CNTN6: variants seen among roughly 807,000 people sequenced by gnomAD.
CNTN6 encodes the protein contactin 6.
Under a neutral mutation model 122.8 loss-of-function variants are expected in CNTN6, and 137 were observed. The ratio of observed to expected loss-of-function variants is 1.12; its 90% CI spans 0.97 to 1.29. CNTN6 has a LOEUF of 1.29. CNTN6 is among the 50% of genes most tolerant of loss of function. The probability of loss-of-function intolerance (pLI) is 0.00; values close to 1 mark genes in which losing one functional copy is unlikely to be tolerated. For synonymous variants in CNTN6, 570 were observed against 426.0 expected, an observed-to-expected ratio of 1.34 and a Z score of -4.16; for missense variants, 1,634 against 1,223.4, an observed-to-expected ratio of 1.34 and a Z score of -5.01.
chr3:1,386,978 A>G (rs1444722360), intron 20 of CNTN6, among the ~76,000 whole-genome samples: 3 of 152,226 alleles, frequency 2.0e-5, no homozygotes, highest in Non-Finnish European at 2.9e-5. Flanking sequence ...CCTTGATTAA[A>G]TAGATTATCC....
At chr3:1,299,365 A>G (rs987872995) in intron 7 of CNTN6, among the ~76,000 whole-genome samples, 1 of 152,192 alleles carries the variant, frequency 6.6e-6, no homozygotes, top group African/African-American at 2.4e-5. Context: ...CCAATGAAAG[A>G]GAGTATCTGA....
chr3:1,287,531 A>C (rs984390899), intron 5 of CNTN6, among the ~76,000 whole-genome samples: 4 of 152,112 alleles, frequency 2.6e-5, no homozygotes, highest in Non-Finnish European at 5.9e-5. Context: ...TCTCCCTAAG[A>C]ATTGGAGGTT....
intron 1 of CNTN6, among the ~76,000 whole-genome samples, chr3:1,125,888 AC>A (rs2092142287): frequency 6.6e-6 from 1 of 151,878 alleles, no homozygotes; most frequent in Non-Finnish European, 1.5e-5. Context: ...ATGATGGTGA[AC>A]TAGATAATGT....
chr3:1,238,023 C>A (rs1162376345), intron 4 of CNTN6, among the ~76,000 whole-genome samples: 6 of 149,008 alleles, frequency 4.0e-5, no homozygotes, highest in Non-Finnish European at 7.4e-5. Context: ...GAAAACAAAA[C>A]AAAAAAAAAC....
chr3:1,205,072 A>G (rs1409257879), intron 2 of CNTN6, among the ~76,000 whole-genome samples: 4 of 152,150 alleles, frequency 2.6e-5, no homozygotes, highest in African/African-American at 9.7e-5. Context: ...GTAACTATGG[A>G]GGAATAGTAG....
chr3:1,335,848 G>A (rs1702974059), intron 11 of CNTN6, among the ~76,000 whole-genome samples: 1 of 152,100 alleles, frequency 6.6e-6, no homozygotes, highest in South Asian at 2.1e-4. Flanking sequence ...GGGCAACATA[G>A]TGAGACCCTG....
At chr3:1,281,983 TACACACACAC>T (rs3836238) in intron 5 of CNTN6, among the ~76,000 whole-genome samples, 6 of 149,906 alleles carry the variant, frequency 4.0e-5, no homozygotes, top group South Asian at 2.1e-4. Flanking sequence ...TATATAGGTA[TACACACACAC>T]ACACACACAC....
intron 4 of CNTN6, among the ~76,000 whole-genome samples, chr3:1,232,733 T>A (rs986907840): frequency 6.6e-6 from 1 of 151,978 alleles, no homozygotes; most frequent in African/African-American, 2.4e-5. Context: ...TCAAGTGAAG[T>A]GAGAAAGGTG....
intron 5 of CNTN6, among the ~76,000 whole-genome samples, chr3:1,291,235 A>G (rs1339568502): frequency 6.6e-6 from 1 of 152,160 alleles, no homozygotes; most frequent in Non-Finnish European, 1.5e-5. Flanking sequence ...TTCTGAATTT[A>G]TTATTAATCT....
intron 12 of CNTN6, among the ~76,000 whole-genome samples, chr3:1,368,135 T>G (rs149809088): frequency 1.3e-5 from 2 of 152,300 alleles, no homozygotes; most frequent in East Asian, 3.9e-4. Context: ...TATATGATGC[T>G]TTGGGGAAAC....
chr3:1,401,176 G>A (rs960596860), intron 20 of CNTN6: 1 of 378,346 alleles, frequency 2.6e-6, no homozygotes, highest in Non-Finnish European at 4.8e-6. Flanking sequence ...CAACAGCAAT[G>A]ATTAATAAAT....
At chr3:1,376,142 AC>A (rs1467517421) in intron 16 of CNTN6, among the ~76,000 whole-genome samples, 1 of 152,122 alleles carries the variant, frequency 6.6e-6, no homozygotes, top group African/African-American at 2.4e-5. Flanking sequence ...GATTTAGGAT[AC>A]TTTTGTCATT....
chr3:1,281,367 A>G (rs542097329), intron 5 of CNTN6, among the ~76,000 whole-genome samples: 5 of 152,180 alleles, frequency 3.3e-5, no homozygotes, highest in Non-Finnish European at 7.3e-5. Context: ...CGGCGTGGCC[A>G]AATTATTTTT....
At chr3:1,371,581 A>C (rs1709020846) in intron 12 of CNTN6, among the ~76,000 whole-genome samples, 1 of 151,978 alleles carries the variant, frequency 6.6e-6, no homozygotes, top group South Asian at 2.1e-4. Flanking sequence ...CAAATATAGG[A>C]CTCTCAAGTA....
chr3:1,373,463 T>G, intron 14 of CNTN6, 141 bp from the exon 15 acceptor site: 1 of 698,392 alleles, frequency 1.4e-6, no homozygotes, highest in Non-Finnish European at 2.3e-6. Flanking sequence ...TAATAGAACT[T>G]TATCGCTAAT....
intron 7 of CNTN6, among the ~76,000 whole-genome samples, chr3:1,310,017 G>A (rs1345290265): frequency 1.3e-5 from 2 of 152,006 alleles, no homozygotes; most frequent in African/African-American, 2.4e-5. Context: ...ACTTATTAGT[G>A]CTGGAGTTAT....
chr3:1,150,357 G>T (rs28384089), intron 2 of CNTN6, among the ~76,000 whole-genome samples: 59,755 of 151,934 alleles, frequency 0.39, 12,060 homozygotes, highest in South Asian at 0.59. Flanking sequence ...CTTGCTATTT[G>T]AATTATTATA....
chr3:1,197,629 G>C (rs1329669264), intron 2 of CNTN6, among the ~76,000 whole-genome samples: 1 of 152,162 alleles, frequency 6.6e-6, no homozygotes, highest in Non-Finnish European at 1.5e-5. Context: ...AGCAAAATGT[G>C]CACTTATGTG....
chr3:1,373,216 A>G (rs1709349261), intron 14 of CNTN6, among the ~76,000 whole-genome samples: 1 of 152,080 alleles, frequency 6.6e-6, no homozygotes, highest in Admixed American at 6.6e-5. Context: ...AGTAACTAAA[A>G]CTTAGACATA....
Sources: allele counts gnomAD v4.1 joint callset (sites outside exome capture counted in the v4.1 genomes callset), GRCh38; gene constraint gnomAD v4.1.1; transcripts MANE v1.5; gene names NCBI Gene and HGNC (gene_info 2026-07-23, HGNC 2026-07-21).